Variants in NT5DC3 observed in about 807,000 individuals in gnomAD.
NT5DC3 encodes 5'-nucleotidase domain-containing protein 3.
NT5DC3 carries 42 observed loss-of-function variants against 67.8 expected under a neutral mutation model. That is an observed-to-expected ratio of 0.62 (90% CI 0.48 to 0.80). The LOEUF (loss-of-function observed/expected upper bound fraction) is 0.80, where lower values mean the gene tolerates loss of function less well. Ranked by LOEUF, NT5DC3 falls within the 30% of genes least tolerant of loss-of-function variation. The pLI is 0.00. For missense variants in NT5DC3, 570 were observed against 696.4 expected, an observed-to-expected ratio of 0.82 and a Z score of 2.04; for synonymous variants, 237 against 255.6, an observed-to-expected ratio of 0.93 and a Z score of 0.69.
At chr12:103,796,456 G>A (rs544963432) in intron 6 of NT5DC3, among the ~76,000 whole-genome samples, 63 of 152,164 alleles carry the variant, frequency 4.1e-4, no homozygotes, top group Non-Finnish European at 7.6e-4. Flanking sequence ...GGCCCGGGAG[G>A]CAGAGGTTGC....
Position 103,787,546 on chromosome 12 carries a change from A to G in NT5DC3, c.1102-19T>C. The stretch of plus-strand genomic sequence containing the variant: ...AATTACCCTGTAATCAGAGAAAACT[A>G]TAGTTATTATTATTACAGATAGAGA... On this transcript the variant is annotated intron_variant, in intron 10 of 13. Transcript: ENST00000392876. 7.3e-7 allele frequency: 1 copy of G among 1,365,742 alleles called. No individual in the cohort carries two copies. Among genetic ancestry groups the G allele is most frequent in the East Asian group, 2.3e-5 (1 of 43,502 alleles). 84.6% of individuals were successfully genotyped at this position (1,365,742 alleles called of 1,614,324 possible).
At chr12:103,770,327 G>C (rs576716809), downstream of NT5DC3, 1 of 152,142 alleles carries the variant, frequency 6.6e-6, no homozygotes, top group East Asian at 1.9e-4. Flanking sequence ...ATACATACTT[G>C]GTAAAATCTC....
Position 103,776,599 on chromosome 12 carries a change from G to A in NT5DC3, c.*1230C>T, listed in dbSNP as rs756777609. 1 of 151,680 alleles carries A rather than the reference G, an allele frequency of 6.6e-6. No homozygotes were observed. Among genetic ancestry groups the A allele is most frequent in the Admixed American group, 6.6e-5 (1 of 15,212 alleles). The allele number at this position is 151,680 out of a possible 1,614,324, so 9.4% of individuals were successfully genotyped here. On this transcript the variant is annotated 3_prime_UTR_variant, in exon 14 of 14. Transcript: ENST00000392876. The stretch of plus-strand genomic sequence containing the variant: ...GAAATGAGAAAAGCTTGGTTAGCTA[G>A]GTCATATCTATTCCTTAGCTTCAAT...
At chr12:103,758,202 A>G in the NT5DC3 span, 1 of 1,614,142 alleles carries the variant, frequency 6.2e-7, no homozygotes, top group Middle Eastern at 1.6e-4. Context: ...GCTCAGCTCG[A>G]GGCCGTGCAT....
At chr12:103,825,787 A>G (rs1013662316) in intron 1 of NT5DC3, among the ~76,000 whole-genome samples, 7 of 152,236 alleles carry the variant, frequency 4.6e-5, no homozygotes. Context: ...GAAGAGAGCC[A>G]TGTCGAATGA....
Position 103,788,843 on chromosome 12 carries a change from T to C in NT5DC3, c.1096A>G (p.Lys366Glu). 2 of 1,607,270 alleles carry C rather than the reference T, an allele frequency of 1.2e-6. No individual in the cohort carries two copies. The highest frequency in any genetic ancestry group is 1.7e-6 in the Non-Finnish European group (2 of 1,173,776). The part of the protein sequence containing the change: ...IHKLQKGQIY[K>E]QGNLYEFLKL... ...ATCAGCTGGTCATGAGATACCTGCT[T>C]GTATATCTGGCCTTTCTGCAACTTA... Residue 366 changes from lysine to glutamate, a missense_variant, in exon 10 of 14, where the codon AAG (lysine) becomes GAG (glutamate). Around this residue, in one of 2 missense-constraint regions of NT5DC3, gnomAD observed 466 missense variants for 608.0 expected, o/e 0.77. Transcript: ENST00000392876.
At chr12:103,780,277 C>T in intron 13 of NT5DC3, 23 bp downstream of exon 13, 1 of 1,605,032 alleles carries the variant, frequency 6.2e-7, no homozygotes, top group African/African-American at 1.3e-5. Flanking sequence ...TGGACGCGCA[C>T]ATTCAATACA....
chr12:103,831,646 AGT>A (rs151185807), intron 1 of NT5DC3, among the ~76,000 whole-genome samples: 12 of 151,838 alleles, frequency 7.9e-5, no homozygotes, highest in African/African-American at 2.7e-4. Context: ...AGTCTCCAAC[AGT>A]GTGTGTGTGT....
downstream of NT5DC3, chr12:103,766,269 A>G (rs79111509): frequency 0.027 from 44,279 of 1,613,652 alleles, 754 homozygotes; most frequent in Non-Finnish European, 0.034. Flanking sequence ...GCCCCCTTAC[A>G]ACCCTCTCTT....
intron 4 of NT5DC3, among the ~76,000 whole-genome samples, chr12:103,800,769 G>A (rs1428317213): frequency 6.6e-6 from 1 of 152,200 alleles, no homozygotes; most frequent in Non-Finnish European, 1.5e-5. Context: ...CACGAGGTTA[G>A]GAGCACAGAT....
chr12:103,785,457 CA>C lies in NT5DC3; in HGVS notation c.1206del (p.His402GlnfsTer12), dbSNP rs1393684283. On this transcript the variant is annotated frameshift_variant, in exon 12 of 14. Coordinates refer to ENST00000392876, the MANE Select transcript of NT5DC3 (RefSeq NM_001031701.3). LOFTEE classifies it high-confidence loss of function. Reference protein sequence around the residue: ...YSDLADLTLKHGWRTGAIIPE... With the variant: ...YSDLADLTLKXGWRTGAIIPE... ...GGGATGATTGCACCAGTCCTCCAGC[CA>C]TGCTTTAGGGTCAAATCCTGATCAC... 6.2e-7 allele frequency: 1 copy of C among 1,613,976 alleles called. No homozygotes were observed. Among genetic ancestry groups the C allele is most frequent in the African/African-American group, 1.3e-5 (1 of 74,904 alleles).
intron 2 of NT5DC3, among the ~76,000 whole-genome samples, chr12:103,812,790 CAT>C (rs1250883746): frequency 1.3e-5 from 2 of 152,146 alleles, no homozygotes; most frequent in African/African-American, 4.8e-5. Context: ...ACAGAGACAA[CAT>C]GTGTGTGCAG....
chr12:103,778,054 G>T lies in NT5DC3; in HGVS notation c.1422C>A (p.Ala474=). ...MREMTKSFFN[A]QFGSLFRTDQ... ...CTGTGCGGAACAGGCTTCCAAACTG[G>T]GCATTGAAGAAACTCTTGGTCATTT... Residue 474 remains alanine (A), a synonymous_variant, in exon 14 of 14, where the codon GCC becomes GCA. Coordinates refer to ENST00000392876, the MANE Select transcript of NT5DC3 (RefSeq NM_001031701.3). 6.2e-7 allele frequency: 1 copy of T among 1,613,280 alleles called. No individual in the cohort carries two copies. Among genetic ancestry groups the T allele is most frequent in the Non-Finnish European group, 8.5e-7 (1 of 1,179,582 alleles).
In NT5DC3 at chr12:103,841,043, GCCCGCACACGGCCGC is replaced by G. The variant is rs1478114423; in HGVS notation, c.99_113del (p.Arg34_Gly38del). The G allele has an allele frequency of 7.9e-7, 1 of 1,263,414 alleles. No individual in the cohort carries two copies. Among genetic ancestry groups the G allele is most frequent in the Admixed American group, 4.2e-5 (1 of 23,954 alleles). The allele number at this position is 1,263,414 out of a possible 1,614,324, so 78.3% of individuals were successfully genotyped here. A position where few individuals can be genotyped will look rare whatever the true frequency, so the allele number is the denominator to read the frequency against. On this transcript the variant is annotated inframe_deletion, in exon 1 of 14. Transcript: ENST00000392876. ...GTGCAGTGCACAAGGGCCGGGCGGG[GCCCGCACACGGCCGC>G]CCCCGAGCCGCGGTCCCGCAGCCAC...
rs932241801 is a variant in NT5DC3, at chr12:103,817,193, A to G, written c.209-2072T>C. Among the ~76,000 whole-genome samples, 50 of 152,204 alleles carry G rather than the reference A, an allele frequency of 3.3e-4. 1 individual carries two copies. The highest frequency in any genetic ancestry group is 2.1e-4 in the Non-Finnish European group (14 of 68,030). On this transcript the variant is annotated intron_variant, in intron 1 of 13. Transcript: ENST00000392876. ...TGACATCTCAGACGACGAGGCCTCC[A>G]TGGCCATATCCTAGATGAAATTCAG...
intron 1 of NT5DC3, among the ~76,000 whole-genome samples, chr12:103,817,080 C>T (rs536599731): frequency 1.5e-4 from 23 of 149,414 alleles, no homozygotes; most frequent in African/African-American, 4.4e-4. Context: ...CAAGACATCT[C>T]ACAGTTATCA....
In NT5DC3 at chr12:103,798,623, G is replaced by A. The variant is rs373393135; in HGVS notation, c.579C>T (p.His193=). Residue 193 remains histidine (H), a synonymous_variant, in exon 5 of 14, where the codon CAC becomes CAT. Coordinates refer to ENST00000392876, the MANE Select transcript of NT5DC3 (RefSeq NM_001031701.3). ...AGTCACTCATCTGCTCCAAGGGCAC[G>A]TGGGACCCCTCGTACATTTCAATGA... ...EEVIEMYEGS[H]VPLEQMSDFY... 220 of 1,613,938 alleles carry A rather than the reference G, an allele frequency of 1.4e-4. 1 individual carries two copies. The highest frequency in any genetic ancestry group is 7.1e-4 in the East Asian group (32 of 44,880).
chr12:103,816,310 T>A (rs146001505), intron 1 of NT5DC3, among the ~76,000 whole-genome samples: 1 of 152,370 alleles, frequency 6.6e-6, no homozygotes, highest in East Asian at 1.9e-4. Flanking sequence ...TGGACTATCA[T>A]GTCAGCATGC....
the NT5DC3 span, chr12:103,746,786 C>T: frequency 1.5e-6 from 2 of 1,377,816 alleles, no homozygotes; most frequent in African/African-American, 1.4e-5. Flanking sequence ...TGGGCTTCAT[C>T]CTAGCCCTCC....
Sources: gnomAD v4.1 joint callset for allele counts (sites outside exome capture counted in the v4.1 genomes callset) on GRCh38, gnomAD v4.1.1 for gene constraint, gnomAD v4.1.1 regional missense constraint, MANE v1.5 for transcripts, NCBI Gene and HGNC (gene_info 2026-07-23, HGNC 2026-07-21) for gene names.